DLEC1: variants seen among roughly 807,000 people sequenced by gnomAD.
The protein encoded by DLEC1 is DLEC1 cilia and flagella associated protein, also known as deleted in lung and esophageal cancer protein 1.
In DLEC1, 146 loss-of-function variants were observed where a neutral mutation model predicts 198.1. The ratio of observed to expected loss-of-function variants is 0.74; its 90% CI spans 0.64 to 0.85. The LOEUF is 0.85. Ranked by LOEUF, DLEC1 falls within the 40% of genes least tolerant of loss-of-function variation. The pLI is 0.00. For missense variants in DLEC1, 2,233 were observed against 2,220.0 expected (o/e 1.01, Z -0.12); for synonymous variants, 897 against 866.8 (o/e 1.03, Z -0.61).
chr3:38,110,789 C>A (rs892969639), intron 23 of DLEC1, among the ~76,000 whole-genome samples: 1 of 152,080 alleles, frequency 6.6e-6, no homozygotes, highest in Non-Finnish European at 1.5e-5. Context: ...CACACACACA[C>A]ACGTACATAT....
At chr3:38,084,500 A>AATAGTAGTGGTG (rs1698298876) in intron 7 of DLEC1, among the ~76,000 whole-genome samples, 2 of 32,890 alleles carry the variant, frequency 6.1e-5, no homozygotes, top group African/African-American at 1.3e-4. Context: ...TGGTAGTAGT[A>AATAGTAGTGGTG]GTGGTAGTAG....
Position 38,121,654 on chromosome 3 carries a change from C to T in DLEC1, c.4893C>T (p.Ala1631=), listed in dbSNP as rs750218813. The T allele has an allele frequency of 5.3e-5, 85 of 1,613,772 alleles. No homozygotes were observed. The highest frequency in any genetic ancestry group is 1.8e-4 in the Admixed American group (11 of 59,990). The change falls in exon 35 of 37, where the codon GCC becomes GCT. Residue 1631 remains alanine, a synonymous_variant. Transcript: ENST00000308059. ...TGGTGCCCCTGCGGGCTGTGGTGGC[C>T]GTGCCTGAGCTGCAGCTCTCCACCA... ...TQVVPLRAVV[A]VPELQLSTSW...
intron 6 of DLEC1, among the ~76,000 whole-genome samples, chr3:38,067,683 T>G (rs6775473): frequency 0.42 from 63,578 of 151,476 alleles, 13,953 homozygotes; most frequent in East Asian, 0.59. Context: ...ATGTGGGCTG[T>G]GCTTCCTTAC....
intron 23 of DLEC1, among the ~76,000 whole-genome samples, chr3:38,110,648 C>T (rs1699816351): frequency 6.6e-6 from 1 of 152,252 alleles, no homozygotes; most frequent in Admixed American, 6.5e-5. Context: ...TCTTCAGGGA[C>T]CACTGATAGC....
intron 10 of DLEC1, among the ~76,000 whole-genome samples, chr3:38,091,289 C>T (rs535378538): frequency 3.9e-5 from 6 of 151,936 alleles, no homozygotes; most frequent in Non-Finnish European, 8.8e-5. Context: ...CATAAGGAGA[C>T]CCCATCTCTA....
chr3:38,100,536 A>G (rs1056390938), intron 19 of DLEC1, 111 bp downstream of exon 19: 3 of 1,339,054 alleles, frequency 2.2e-6, no homozygotes, highest in Admixed American at 3.3e-5. Flanking sequence ...TATTGAATCC[A>G]GAAAATTAGT....
chr3:38,085,474 G>T, intron 8 of DLEC1, 27 bp downstream of exon 8: 1 of 1,611,574 alleles, frequency 6.2e-7, no homozygotes, highest in Non-Finnish European at 8.5e-7. Context: ...GCTTCCCACA[G>T]ATTCAGTTAA....
intron 3 of DLEC1, 60 bp downstream of exon 3, chr3:38,059,912 C>T: frequency 1.5e-6 from 2 of 1,375,652 alleles, no homozygotes; most frequent in Non-Finnish European, 2.0e-6. Flanking sequence ...AGTAGGGCCA[C>T]GTTGGCCACC....
intron 6 of DLEC1, among the ~76,000 whole-genome samples, chr3:38,077,419 A>C (rs1003033708): frequency 2.0e-5 from 3 of 152,176 alleles, no homozygotes; most frequent in Non-Finnish European, 4.4e-5. Flanking sequence ...GACAGGTCTG[A>C]TTTCTGAGAA....
intron 14 of DLEC1, 110 bp downstream of exon 14, chr3:38,096,056 G>T (rs571163914): frequency 1.5e-6 from 2 of 1,328,648 alleles, no homozygotes; most frequent in Non-Finnish European, 2.1e-6. Context: ...CCTGGTCCCC[G>T]CAGGCTTTGG....
At chr3:38,059,970 T>C in intron 3 of DLEC1, 118 bp downstream of exon 3, 1 of 835,968 alleles carries the variant, frequency 1.2e-6, no homozygotes, top group South Asian at 1.7e-5. Flanking sequence ...TTTTCTTTAA[T>C]TTCGATGGTG....
intron 9 of DLEC1, 55 bp downstream of exon 9, chr3:38,086,432 A>C: frequency 6.4e-7 from 1 of 1,560,574 alleles, no homozygotes; most frequent in Non-Finnish European, 8.7e-7. Context: ...AAAGGAAATA[A>C]CCCCCAGAGG....
chr3:38,095,873 G>T lies in DLEC1; in HGVS notation c.2113-15G>T. 6.2e-7 allele frequency: 1 copy of T among 1,613,850 alleles called. No homozygotes were observed. On this transcript the variant is annotated splice_polypyrimidine_tract_variant and intron_variant, in intron 13 of 36. Coordinates refer to ENST00000308059, the MANE Select transcript of DLEC1 (RefSeq NM_007335.4). ...AACGCAGTGGTGTTTTCAGGGCACT[G>T]TGTTTGCCTTGCAGCTGAGGGATTT...
intron 6 of DLEC1, among the ~76,000 whole-genome samples, chr3:38,082,624 G>A (rs970377128): frequency 3.0e-4 from 46 of 152,172 alleles, no homozygotes; most frequent in South Asian, 4.2e-4. Context: ...GGGACTTGCC[G>A]CTAAGGGTGA....
At chr3:38,111,836 C>A in intron 24 of DLEC1, 89 bp downstream of exon 24, 1 of 1,447,622 alleles carries the variant, frequency 6.9e-7, no homozygotes, top group Non-Finnish European at 9.3e-7. Flanking sequence ...TGCCAGGGAG[C>A]GGGACCAGGA....
At chr3:38,066,620 C>G (rs1347477708) in intron 6 of DLEC1, among the ~76,000 whole-genome samples, 1 of 152,222 alleles carries the variant, frequency 6.6e-6, no homozygotes, top group Non-Finnish European at 1.5e-5. Context: ...CTTGGGGAAT[C>G]AGGTCAAGAC....
intron 6 of DLEC1, among the ~76,000 whole-genome samples, chr3:38,077,769 C>A (rs1697711102): frequency 6.6e-6 from 1 of 152,078 alleles, no homozygotes; most frequent in African/African-American, 2.4e-5. Flanking sequence ...TGACTCAGGG[C>A]ATGTTGAGTA....
intron 19 of DLEC1, among the ~76,000 whole-genome samples, chr3:38,101,248 G>A (rs189270344): frequency 1.6e-3 from 250 of 152,248 alleles, no homozygotes; most frequent in Middle Eastern, 6.8e-3. Context: ...ACGAGGTCAG[G>A]AGTTCGAGAT....
intron 19 of DLEC1, among the ~76,000 whole-genome samples, chr3:38,107,172 A>C (rs945927641): frequency 2.0e-5 from 3 of 152,182 alleles, no homozygotes; most frequent in Non-Finnish European, 1.5e-5. Flanking sequence ...CTCATGGTGA[A>C]AACTGGAAAA....
Sources: allele counts gnomAD v4.1 joint callset (sites outside exome capture counted in the v4.1 genomes callset), GRCh38; gene constraint gnomAD v4.1.1; transcripts MANE v1.5; gene names NCBI Gene and HGNC (gene_info 2026-07-23, HGNC 2026-07-21).